The following PCDHA1 variants were observed in gnomAD, a reference collection of about 807,000 sequenced individuals.
PCDHA1 encodes protocadherin alpha 1.
Under a neutral mutation model 61.3 loss-of-function variants are expected in PCDHA1, and 42 were observed. The ratio of observed to expected loss-of-function variants is 0.69; its 90% CI spans 0.54 to 0.89. PCDHA1 has a LOEUF of 0.89. PCDHA1 is among the 40% of genes least tolerant of loss of function. The pLI, the probability that PCDHA1 is intolerant of heterozygous loss-of-function variation, is 0.00. For missense variants in PCDHA1, 1,256 were observed against 1,235.3 expected (o/e 1.02, Z -0.25); for synonymous variants, 610 against 553.8 (o/e 1.10, Z -1.43).
chr5:140,844,854 T>C (rs1315515801), intron 1 of PCDHA1, among the ~76,000 whole-genome samples: 10 of 149,524 alleles, frequency 6.7e-5, no homozygotes, highest in African/African-American at 2.4e-4. Context: ...CTGTTGGACC[T>C]GCCTGGATAT....
intron 1 of PCDHA1, among the ~76,000 whole-genome samples, chr5:140,922,848 C>A (rs1345344826): frequency 6.6e-6 from 1 of 151,962 alleles, no homozygotes; most frequent in Non-Finnish European, 1.5e-5. Context: ...TCAAAGAGAC[C>A]AAATACATAG....
intron 1 of PCDHA1, among the ~76,000 whole-genome samples, chr5:140,893,709 G>A (rs141117049): frequency 6.6e-6 from 1 of 152,250 alleles, no homozygotes; most frequent in East Asian, 1.9e-4. Flanking sequence ...AGCCTGTAAA[G>A]CTTCTGCTGA....
intron 1 of PCDHA1, chr5:140,855,854 T>A: frequency 1.5e-6 from 1 of 683,620 alleles, no homozygotes; most frequent in South Asian, 2.3e-5. Flanking sequence ...AGCCACCGGA[T>A]GTCGCTGTCG....
intron 1 of PCDHA1, among the ~76,000 whole-genome samples, chr5:140,888,289 C>T (rs543077496): frequency 1.3e-5 from 2 of 152,246 alleles, no homozygotes; most frequent in Admixed American, 1.3e-4. Flanking sequence ...CCTCTACCCC[C>T]TACCCAGGAG....
At chr5:140,841,353 C>A (rs1777171223) in intron 1 of PCDHA1, 2 of 1,612,606 alleles carry the variant, frequency 1.2e-6, no homozygotes, top group African/African-American at 2.7e-5. Context: ...GAGCTGGGAT[C>A]CTGGCGACTA....
intron 1 of PCDHA1, among the ~76,000 whole-genome samples, chr5:140,874,822 T>C (rs2055124014): frequency 6.6e-6 from 1 of 152,252 alleles, no homozygotes; most frequent in East Asian, 1.9e-4. Context: ...TTTATATAAA[T>C]GAAATATTGT....
chr5:140,956,194 A>G (rs1370463281), intron 1 of PCDHA1, among the ~76,000 whole-genome samples: 1 of 152,060 alleles, frequency 6.6e-6, no homozygotes, highest in Non-Finnish European at 1.5e-5. Flanking sequence ...GCTGAATAGG[A>G]GTGGTGAAAG....
chr5:140,927,624 G>A (rs1554204821), intron 1 of PCDHA1: 3 of 1,614,212 alleles, frequency 1.9e-6, no homozygotes, highest in Non-Finnish European at 2.5e-6. Context: ...AGGTTCCAGA[G>A]ACTGCACCCA....
chr5:140,843,227 G>A, intron 1 of PCDHA1: 1 of 1,596,116 alleles, frequency 6.3e-7, no homozygotes, highest in Non-Finnish European at 8.6e-7. Flanking sequence ...CACCACTCGT[G>A]TCCTGGACGA....
chr5:140,881,480 TTG>T, intron 1 of PCDHA1: 2 of 445,316 alleles, frequency 4.5e-6, no homozygotes, highest in Non-Finnish European at 5.9e-6. Context: ...GGCTAAATTA[TTG>T]TGTTTATGCA....
At chr5:140,850,545 G>C in intron 1 of PCDHA1, 1 of 1,598,382 alleles carries the variant, frequency 6.3e-7, no homozygotes, top group South Asian at 1.1e-5. Context: ...GCGGGCGTCA[G>C]TGGGTGCCAC....
rs1554229569 is a variant in PCDHA1, at chr5:140,967,454, G to A, written c.2395-11495G>A. ...CTTGCACCACCTGGTTCTCACAGCCGTGGATGGGGGCATCCCAGCCCGCTC... is the reference window on the plus strand; with the variant it reads ...CTTGCACCACCTGGTTCTCACAGCCATGGATGGGGGCATCCCAGCCCGCTC... On this transcript the variant is annotated intron_variant, in intron 1 of 3. Transcript: ENST00000504120. 6.2e-7 allele frequency: 1 copy of A among 1,613,614 alleles called. No individual in the cohort carries two copies. Among genetic ancestry groups the A allele is most frequent in the Admixed American group, 1.7e-5 (1 of 60,010 alleles).
rs141558342 is a variant in PCDHA1 at position 140,862,206 on chromosome 5, T to G, written c.2394+73522T>G. The G allele has an allele frequency of 1.6e-3, 319 of 195,694 alleles. 1 individual carries two copies. The highest frequency in any genetic ancestry group is 7.0e-3 in the African/African-American group (300 of 43,022). 12.1% of individuals were successfully genotyped at this position (195,694 alleles called of 1,614,324 possible). A position where few individuals can be genotyped will look rare whatever the true frequency, so the allele number is the denominator to read the frequency against. On this transcript the variant is annotated intron_variant, in intron 1 of 3. Transcript: ENST00000504120. ...AGGCAATTCCCCAATGTTTGATCAC[T>G]GCACAGACTTGATAGAAGTCTTGGA...
chr5:140,841,541 C>T, intron 1 of PCDHA1: 3 of 1,613,720 alleles, frequency 1.9e-6, no homozygotes, highest in Non-Finnish European at 2.5e-6. Context: ...ACACCGGGAC[C>T]TTCTGGAGGT....
At chr5:141,008,568 T>C (rs1430525508) in intron 3 of PCDHA1, among the ~76,000 whole-genome samples, 2 of 152,220 alleles carry the variant, frequency 1.3e-5, no homozygotes, top group African/African-American at 4.8e-5. Flanking sequence ...GCATAATCAT[T>C]TTCCCAAGAC....
At chr5:140,928,319 A>AGAAT (rs1554205765) in intron 1 of PCDHA1, 1 of 1,614,082 alleles carries the variant, frequency 6.2e-7, no homozygotes, top group Non-Finnish European at 8.5e-7. Flanking sequence ...GACCTGGGGA[A>AGAAT]GAATGGCCTT....
chr5:140,788,694 A>G lies in PCDHA1; in HGVS notation c.2394+10A>G, dbSNP rs551820763. On this transcript the variant is annotated intron_variant, in intron 1 of 3. Coordinates refer to ENST00000504120, the MANE Select transcript of PCDHA1 (RefSeq NM_018900.4). ...GGATCTTTCTGGTAATGTAAGTCCA[A>G]CTTTCGAGTTTTGGCTTTAAATATT... The G allele has an allele frequency of 1.3e-6, 2 of 1,532,438 alleles. No individual in the cohort carries two copies. The highest frequency in any genetic ancestry group is 1.4e-5 in the African/African-American group (1 of 72,046). The allele number at this position is 1,532,438 out of a possible 1,614,324, so 94.9% of individuals were successfully genotyped here.
chr5:140,795,322 G>A (rs782151526), intron 1 of PCDHA1: 1 of 1,614,218 alleles, frequency 6.2e-7, no homozygotes, highest in Non-Finnish European at 8.5e-7. Flanking sequence ...TTTCCATGTG[G>A]AAGTGGAGGT....
chr5:140,928,814 A>G, intron 1 of PCDHA1: 1 of 1,614,150 alleles, frequency 6.2e-7, no homozygotes, highest in East Asian at 2.2e-5. Context: ...GTTCGGGACC[A>G]TGGAGACCCA....
Sources: allele counts gnomAD v4.1 joint callset (sites outside exome capture counted in the v4.1 genomes callset), GRCh38; gene constraint gnomAD v4.1.1; transcripts MANE v1.5; gene names NCBI Gene and HGNC (gene_info 2026-07-23, HGNC 2026-07-21).